ADGRL3: variants seen among roughly 807,000 people sequenced by gnomAD.
ADGRL3 encodes adhesion G protein-coupled receptor L3, also known as calcium-independent alpha-latrotoxin receptor 3.
ADGRL3 carries 62 observed loss-of-function variants against 153.5 expected under a neutral mutation model. That is an observed-to-expected ratio of 0.40 (90% CI 0.33 to 0.50). ADGRL3 has a LOEUF of 0.50. Ranked by LOEUF, ADGRL3 falls within the 20% of genes least tolerant of loss-of-function variation. ADGRL3 has a pLI of 0.47. For synonymous variants in ADGRL3, 710 were observed against 672.5 expected, an observed-to-expected ratio of 1.06 and a Z score of -0.86; for missense variants, 1,641 against 1,859.4, an observed-to-expected ratio of 0.88 and a Z score of 2.16.
chr4:61,917,047 T>G (rs1189572891), intron 13 of ADGRL3, among the ~76,000 whole-genome samples: 2 of 152,212 alleles, frequency 1.3e-5, no homozygotes, highest in African/African-American at 4.8e-5. Context: ...TTATTTAATA[T>G]TCACAAACAC....
chr4:61,330,379 A>G (rs1022168946), intron 1 of ADGRL3, among the ~76,000 whole-genome samples: 2 of 152,112 alleles, frequency 1.3e-5, no homozygotes, highest in African/African-American at 2.4e-5. Context: ...AGGTAGAGGA[A>G]GGGTAAATTC....
At chr4:61,248,181 G>A (rs1469332766) in intron 1 of ADGRL3, among the ~76,000 whole-genome samples, 1 of 151,840 alleles carries the variant, frequency 6.6e-6, no homozygotes, top group Non-Finnish European at 1.5e-5. Context: ...ATCAAGTGCT[G>A]CTGTAGAGTA....
At chr4:61,750,323 T>G in intron 8 of ADGRL3, among the ~76,000 whole-genome samples, 1 of 152,004 alleles carries the variant, frequency 6.6e-6, no homozygotes, top group East Asian at 1.9e-4. Flanking sequence ...GATGAAGAAA[T>G]TGAGCATCAG....
At chr4:61,603,298 CT>C (rs2149553427) in intron 5 of ADGRL3, among the ~76,000 whole-genome samples, 1 of 152,252 alleles carries the variant, frequency 6.6e-6, no homozygotes, top group South Asian at 2.1e-4. Context: ...CATTTTTTAA[CT>C]TAGCGGGCTA....
intron 1 of ADGRL3, among the ~76,000 whole-genome samples, chr4:61,330,095 T>A (rs1191222831): frequency 6.6e-6 from 1 of 152,196 alleles, no homozygotes; most frequent in African/African-American, 2.4e-5. Context: ...CTACATGACT[T>A]CACAATTTAA....
chr4:61,927,215 T>A (rs947010599), intron 13 of ADGRL3, among the ~76,000 whole-genome samples: 1 of 152,200 alleles, frequency 6.6e-6, no homozygotes, highest in African/African-American at 2.4e-5. Context: ...GAATATTAGG[T>A]TAGCAAGGAG....
chr4:61,462,129 A>G (rs2152601139), intron 2 of ADGRL3, among the ~76,000 whole-genome samples: 1 of 152,310 alleles, frequency 6.6e-6, no homozygotes, highest in South Asian at 2.1e-4. Flanking sequence ...GAATGCATAA[A>G]TGGAGACAAG....
At chr4:61,429,215 T>C (rs2097325573) in intron 2 of ADGRL3, among the ~76,000 whole-genome samples, 2 of 152,124 alleles carry the variant, frequency 1.3e-5, no homozygotes, top group African/African-American at 4.8e-5. Flanking sequence ...TGATAGGATA[T>C]TGAAGCTTGA....
chr4:61,768,248 A>T (rs187401045), intron 8 of ADGRL3, among the ~76,000 whole-genome samples: 7 of 151,582 alleles, frequency 4.6e-5, no homozygotes. Context: ...ACTGTAAGCC[A>T]GACCAGGTGT....
At chr4:61,768,547 T>A (rs2097034362) in intron 8 of ADGRL3, among the ~76,000 whole-genome samples, 1 of 152,040 alleles carries the variant, frequency 6.6e-6, no homozygotes, top group Non-Finnish European at 1.5e-5. Context: ...ACGACAAGAA[T>A]TATTTAGATC....
intron 5 of ADGRL3, among the ~76,000 whole-genome samples, chr4:61,589,524 A>G (rs564208171): frequency 3.9e-5 from 6 of 152,248 alleles, no homozygotes; most frequent in Admixed American, 3.3e-4. Context: ...AAGCATTTAA[A>G]CTGAAATCAT....
intron 1 of ADGRL3, among the ~76,000 whole-genome samples, chr4:61,311,794 G>A (rs2095024165): frequency 6.6e-6 from 1 of 152,160 alleles, no homozygotes; most frequent in Non-Finnish European, 1.5e-5. Context: ...TACTCTGGAT[G>A]ATACTACAGT....
chr4:61,971,006 A>G (rs1015583288), intron 17 of ADGRL3, among the ~76,000 whole-genome samples: 2 of 152,270 alleles, frequency 1.3e-5, no homozygotes, highest in South Asian at 4.1e-4. Flanking sequence ...ATTCAAATCA[A>G]TGTTTTATGC....
At chr4:61,441,887 A>G (rs2097532483) in intron 2 of ADGRL3, among the ~76,000 whole-genome samples, 1 of 152,150 alleles carries the variant, frequency 6.6e-6, no homozygotes, top group African/African-American at 2.4e-5. Context: ...ATTTTATGCT[A>G]CCCAGTGAAA....
chr4:61,785,564 C>T (rs1282707954), intron 8 of ADGRL3, among the ~76,000 whole-genome samples: 3 of 152,154 alleles, frequency 2.0e-5, no homozygotes, highest in Non-Finnish European at 4.4e-5. Context: ...ATATAGCTGA[C>T]TTAGAGGGGT....
chr4:61,688,649 G>A (rs1192217095), intron 6 of ADGRL3, among the ~76,000 whole-genome samples: 1 of 152,132 alleles, frequency 6.6e-6, no homozygotes, highest in Non-Finnish European at 1.5e-5. Flanking sequence ...TCAGGCACTG[G>A]AGCTTGGAAT....
intron 17 of ADGRL3, among the ~76,000 whole-genome samples, chr4:61,972,237 C>A (rs2099030943): frequency 6.6e-6 from 1 of 152,256 alleles, no homozygotes; most frequent in South Asian, 2.1e-4. Flanking sequence ...TTGCCCATAT[C>A]TATGTCCTGA....
intron 15 of ADGRL3, 35 bp from the exon 16 acceptor site, chr4:61,946,879 G>A (rs1244936313): frequency 1.3e-6 from 2 of 1,498,566 alleles, no homozygotes; most frequent in Admixed American, 1.7e-5. Flanking sequence ...TTTAAGTAGA[G>A]TGGACAAACT....
intron 2 of ADGRL3, among the ~76,000 whole-genome samples, chr4:61,388,356 A>T (rs1043869599): frequency 6.6e-6 from 1 of 152,194 alleles, no homozygotes; most frequent in Non-Finnish European, 1.5e-5. Context: ...AAAAGGAAAG[A>T]TGTGCTGGAG....
Sources: allele counts gnomAD v4.1 joint callset (sites outside exome capture counted in the v4.1 genomes callset), GRCh38; gene constraint gnomAD v4.1.1; transcripts MANE v1.5; gene names NCBI Gene and HGNC (gene_info 2026-07-23, HGNC 2026-07-21).